Variants in PRKAR2B observed in about 807,000 individuals in gnomAD.
PRKAR2B encodes the protein protein kinase cAMP-dependent type II regulatory subunit beta.
In PRKAR2B, 14 loss-of-function variants were observed where a neutral mutation model predicts 49.9. The ratio of observed to expected loss-of-function variants is 0.28; its 90% CI spans 0.19 to 0.44. PRKAR2B has a LOEUF of 0.44. PRKAR2B is among the 20% of genes least tolerant of loss of function. PRKAR2B has a pLI of 1.00. For synonymous variants in PRKAR2B, 196 were observed against 197.7 expected (o/e 0.99, Z 0.07); for missense variants, 393 against 537.9 (o/e 0.73, Z 2.67).
At chr7:107,054,577 A>G (rs1793874082) in intron 1 of PRKAR2B, among the ~76,000 whole-genome samples, 1 of 152,106 alleles carries the variant, frequency 6.6e-6, no homozygotes, top group African/African-American at 2.4e-5. Context: ...TACTATCAAT[A>G]TGGTAGGATG....
At chr7:107,137,393 T>G (rs937911801) in intron 4 of PRKAR2B, among the ~76,000 whole-genome samples, 4 of 152,218 alleles carry the variant, frequency 2.6e-5, no homozygotes, top group Admixed American at 6.5e-5. Flanking sequence ...GACAGATGTC[T>G]GAAAATCCCT....
At chr7:107,067,710 T>C (rs1584408984) in intron 1 of PRKAR2B, among the ~76,000 whole-genome samples, 3 of 152,172 alleles carry the variant, frequency 2.0e-5, no homozygotes, top group Non-Finnish European at 4.4e-5. Flanking sequence ...TCAAAAAGCA[T>C]TGTACTAGGA....
intron 2 of PRKAR2B, among the ~76,000 whole-genome samples, chr7:107,094,392 A>G (rs531378749): frequency 6.6e-6 from 1 of 152,228 alleles, no homozygotes; most frequent in South Asian, 2.1e-4. Context: ...AATTCTTTGT[A>G]GATTCTGGAT....
At chr7:107,055,578 T>C (rs948538925) in intron 1 of PRKAR2B, among the ~76,000 whole-genome samples, 1 of 152,248 alleles carries the variant, frequency 6.6e-6, no homozygotes. Flanking sequence ...GATGAGCATT[T>C]TTTCATGTGT....
rs184470712 is a variant in PRKAR2B, at chr7:107,074,276, G to T, written c.343+3960G>T. 8.6e-3 allele frequency among the ~76,000 whole-genome samples: 1,298 copies of T among 151,384 alleles called. 23 individuals carry two copies. Among genetic ancestry groups the T allele is most frequent in the African/African-American group, 0.029 (1,199 of 41,368 alleles). ...ACGCCACCATGCCTGGCTAATTTTT[G>T]TATTTTTAGTAGAGACGAGGTTTCA... On this transcript the variant is annotated intron_variant, in intron 2 of 10. Coordinates refer to ENST00000265717, the MANE Select transcript of PRKAR2B (RefSeq NM_002736.3).
chr7:107,117,108 A>G (rs538715113), intron 2 of PRKAR2B, among the ~76,000 whole-genome samples: 42 of 148,450 alleles, frequency 2.8e-4, no homozygotes, highest in Admixed American at 2.5e-3. Context: ...GAAATACCGT[A>G]TATCTGTTTA....
At chr7:107,087,676 A>T (rs1415619839) in intron 2 of PRKAR2B, among the ~76,000 whole-genome samples, 1 of 152,096 alleles carries the variant, frequency 6.6e-6, no homozygotes, top group Non-Finnish European at 1.5e-5. Context: ...GTACTTTGGG[A>T]GGCTGAGGCA....
chr7:107,131,271 G>A (rs1795600386), intron 4 of PRKAR2B, among the ~76,000 whole-genome samples: 2 of 152,186 alleles, frequency 1.3e-5, no homozygotes, highest in Admixed American at 1.3e-4. Context: ...TGCTAATTAT[G>A]CTTTCCTGGG....
chr7:107,101,469 C>T (rs1377087080), intron 2 of PRKAR2B, among the ~76,000 whole-genome samples: 2 of 152,194 alleles, frequency 1.3e-5, no homozygotes, highest in African/African-American at 4.8e-5. Flanking sequence ...AGGGCTAGGG[C>T]ACTGCCCAGT....
intron 2 of PRKAR2B, among the ~76,000 whole-genome samples, chr7:107,087,524 G>A (rs1004511413): frequency 1.4e-4 from 22 of 152,148 alleles, no homozygotes; most frequent in African/African-American, 4.3e-4. Context: ...TTTAAGTGCA[G>A]CTCTATATGA....
chr7:107,159,607 T>C lies in PRKAR2B; in HGVS notation c.*25T>C. The C allele has an allele frequency of 1.9e-6, 3 of 1,612,252 alleles. No individual in the cohort carries two copies. Among genetic ancestry groups the C allele is most frequent in the Non-Finnish European group, 1.7e-6 (2 of 1,178,578 alleles). ...AAGCAAAAGTATGGAGCAAGACCTG[T>C]AGTGACAAAATTACACAGTAGTGGT... On this transcript the variant is annotated 3_prime_UTR_variant, in exon 11 of 11. Transcript: ENST00000265717.
At chr7:107,141,653 T>A (rs898903226) in intron 5 of PRKAR2B, among the ~76,000 whole-genome samples, 2 of 152,136 alleles carry the variant, frequency 1.3e-5, no homozygotes, top group African/African-American at 4.8e-5. Context: ...TACTGCACCA[T>A]TTGCACTACA....
chr7:107,069,399 A>G (rs1202352418), intron 1 of PRKAR2B, among the ~76,000 whole-genome samples: 1 of 152,202 alleles, frequency 6.6e-6, no homozygotes, highest in African/African-American at 2.4e-5. Context: ...TAGTGTTTCC[A>G]TAGTGTAAAC....
chr7:107,152,091 T>G (rs1795998959), intron 7 of PRKAR2B, among the ~76,000 whole-genome samples: 1 of 152,230 alleles, frequency 6.6e-6, no homozygotes, highest in Non-Finnish European at 1.5e-5. Flanking sequence ...CAACATATCC[T>G]TCCAGTGTCT....
intron 1 of PRKAR2B, among the ~76,000 whole-genome samples, chr7:107,064,018 C>T (rs2536497): frequency 0.027 from 4,097 of 152,128 alleles, 189 homozygotes; most frequent in African/African-American, 0.091. Flanking sequence ...GAATTTATAT[C>T]GTCTTGACAG....
chr7:107,101,408 A>G (rs1331196644), intron 2 of PRKAR2B, among the ~76,000 whole-genome samples: 1 of 152,084 alleles, frequency 6.6e-6, no homozygotes, highest in Non-Finnish European at 1.5e-5. Context: ...AAGCTAACTC[A>G]TACCTCCTCT....
rs1793994611 is a variant in PRKAR2B, at chr7:107,059,969, A to C, written c.308-10312A>C. ...ATTGAATGCAGGAGCAAATACGAGA[A>C]CCCAGCCATCTTCTATCATACCAGA... On this transcript the variant is annotated intron_variant, in intron 1 of 10. Coordinates refer to ENST00000265717, the MANE Select transcript of PRKAR2B (RefSeq NM_002736.3). Among the ~76,000 whole-genome samples, 5 of 152,278 alleles carry C rather than the reference A, an allele frequency of 3.3e-5. No homozygotes were observed. The South Asian group carries it at 1.0e-3, about 32-fold the overall frequency.
chr7:107,099,624 T>A (rs1023624134), intron 2 of PRKAR2B, among the ~76,000 whole-genome samples: 4 of 150,556 alleles, frequency 2.7e-5, no homozygotes, highest in Non-Finnish European at 4.4e-5. Context: ...TATTCGGCCA[T>A]CTTGCATGAG....
chr7:107,072,657 GTTAAT>G (rs1414940835), intron 2 of PRKAR2B, among the ~76,000 whole-genome samples: 1 of 151,956 alleles, frequency 6.6e-6, no homozygotes, highest in Non-Finnish European at 1.5e-5. Context: ...CAGTTTTTTT[GTTAAT>G]TTAATTTAGT....
Sources: allele counts gnomAD v4.1 joint callset (sites outside exome capture counted in the v4.1 genomes callset), GRCh38; gene constraint gnomAD v4.1.1; transcripts MANE v1.5; gene names NCBI Gene and HGNC (gene_info 2026-07-23, HGNC 2026-07-21).